Variants in EBF1 observed in about 807,000 individuals in gnomAD.
EBF1 encodes EBF transcription factor 1, also known as transcription factor COE1.
Under a neutral mutation model 68.4 loss-of-function variants are expected in EBF1, and 10 were observed. The ratio of observed to expected loss-of-function variants is 0.15; its 90% CI spans 0.09 to 0.25. The LOEUF is 0.25. Among genes scored for constraint, EBF1 ranks in the 10% least tolerant of loss-of-function variants. The pLI is 1.00. For synonymous variants in EBF1, 298 were observed against 299.8 expected, an observed-to-expected ratio of 0.99 and a Z score of 0.06; for missense variants, 509 against 794.4, an observed-to-expected ratio of 0.64 and a Z score of 4.32.
chr5:159,032,160 A>T (rs999495916), intron 6 of EBF1, among the ~76,000 whole-genome samples: 3 of 152,190 alleles, frequency 2.0e-5, no homozygotes, highest in Non-Finnish European at 4.4e-5. Context: ...TAACAATAGA[A>T]CAACTACCAC....
intron 6 of EBF1, among the ~76,000 whole-genome samples, chr5:159,003,389 T>C (rs936117558): frequency 3.9e-4 from 60 of 152,270 alleles, no homozygotes; most frequent in African/African-American, 1.4e-3. Flanking sequence ...TCTGAAGATG[T>C]GCTAAATTTC....
At chr5:158,733,806 G>T (rs1004556263) in intron 10 of EBF1, among the ~76,000 whole-genome samples, 2 of 152,142 alleles carry the variant, frequency 1.3e-5, no homozygotes, top group African/African-American at 4.8e-5. Flanking sequence ...TGCAGACAAA[G>T]CTAACATTAA....
chr5:159,094,258 C>T (rs1188667074), intron 4 of EBF1, among the ~76,000 whole-genome samples: 1 of 125,264 alleles, frequency 8.0e-6, no homozygotes, highest in African/African-American at 3.0e-5. Context: ...GAAAATAAAA[C>T]CAAGACCAAA....
At chr5:158,925,033 C>T (rs1287915820) in intron 6 of EBF1, among the ~76,000 whole-genome samples, 1 of 152,082 alleles carries the variant, frequency 6.6e-6, no homozygotes, top group East Asian at 1.9e-4. Context: ...AGCTTTCTTT[C>T]TGTTCCTCAA....
At chr5:159,081,956 G>C (rs900170533) in intron 5 of EBF1, among the ~76,000 whole-genome samples, 2 of 152,114 alleles carry the variant, frequency 1.3e-5, no homozygotes, top group Non-Finnish European at 2.9e-5. Flanking sequence ...CACAGAAAGA[G>C]CTCCATGTCC....
At chr5:158,709,573 T>C (rs932510064) in intron 14 of EBF1, among the ~76,000 whole-genome samples, 2 of 152,202 alleles carry the variant, frequency 1.3e-5, no homozygotes, top group African/African-American at 4.8e-5. Context: ...GGGAATCCAA[T>C]TGGTCATAGG....
intron 11 of EBF1, among the ~76,000 whole-genome samples, chr5:158,717,409 T>G (rs894855992): frequency 6.6e-6 from 1 of 152,194 alleles, no homozygotes; most frequent in Non-Finnish European, 1.5e-5. Context: ...TTTGTGGCAT[T>G]AGGCAGGAGC....
At chr5:158,995,462 G>A (rs1039667276) in intron 6 of EBF1, among the ~76,000 whole-genome samples, 4 of 152,102 alleles carry the variant, frequency 2.6e-5, no homozygotes, top group African/African-American at 7.2e-5. Context: ...GTCAGGATTC[G>A]GTGACTATAT....
At chr5:158,926,065 T>A (rs1416595690) in intron 6 of EBF1, among the ~76,000 whole-genome samples, 1 of 152,206 alleles carries the variant, frequency 6.6e-6, no homozygotes, top group Admixed American at 6.5e-5. Context: ...AAATAGTGCC[T>A]GCTTAATACA....
intron 6 of EBF1, among the ~76,000 whole-genome samples, chr5:158,982,111 C>T (rs13170234): frequency 0.15 from 22,257 of 152,010 alleles, 1,750 homozygotes; most frequent in African/African-American, 0.19. Flanking sequence ...GTTACAATGG[C>T]CTAGACCAAA....
At chr5:159,067,938 T>C (rs1343046122) in intron 6 of EBF1, among the ~76,000 whole-genome samples, 1 of 152,188 alleles carries the variant, frequency 6.6e-6, no homozygotes, top group African/African-American at 2.4e-5. Context: ...CCTCCTTTTA[T>C]TTTAACCAAG....
chr5:159,000,036 T>C (rs907639061), intron 6 of EBF1, among the ~76,000 whole-genome samples: 1 of 152,318 alleles, frequency 6.6e-6, no homozygotes, highest in Non-Finnish European at 1.5e-5. Context: ...TTCCTTATAA[T>C]ACTACTGACC....
chr5:158,856,668 G>A (rs79773587), intron 6 of EBF1, among the ~76,000 whole-genome samples: 6,269 of 152,198 alleles, frequency 0.041, 208 homozygotes, highest in Middle Eastern at 0.068. Flanking sequence ...GCAACCCTAC[G>A]CTCCCCCATC....
chr5:159,097,875 C>A (rs1782931525), intron 1 of EBF1, among the ~76,000 whole-genome samples: 1 of 152,236 alleles, frequency 6.6e-6, no homozygotes, highest in South Asian at 2.1e-4. Flanking sequence ...GGCTGGAGCG[C>A]CTGGGGCGCC....
chr5:159,091,839 A>T (rs1781708455), intron 4 of EBF1, among the ~76,000 whole-genome samples: 2 of 152,310 alleles, frequency 1.3e-5, no homozygotes, highest in South Asian at 4.1e-4. Context: ...CGGTCTCCTC[A>T]CTACATCATC....
At chr5:159,031,363 T>G (rs538223090) in intron 6 of EBF1, among the ~76,000 whole-genome samples, 2 of 152,310 alleles carry the variant, frequency 1.3e-5, no homozygotes, top group African/African-American at 4.8e-5. Flanking sequence ...TAATCTGTCC[T>G]GAAAAAATCT....
chr5:158,809,904 T>C (rs1782324233), intron 8 of EBF1, among the ~76,000 whole-genome samples: 1 of 152,180 alleles, frequency 6.6e-6, no homozygotes, highest in African/African-American at 2.4e-5. Context: ...ATGAAAATAA[T>C]AACAATTTAC....
At chr5:158,959,310 G>A (rs1222640107) in intron 6 of EBF1, among the ~76,000 whole-genome samples, 2 of 90,194 alleles carry the variant, frequency 2.2e-5, no homozygotes, top group East Asian at 6.3e-4. Context: ...TTTTTTTTTT[G>A]AGACGGAGTC....
chr5:158,775,366 A>T (rs527240758), intron 10 of EBF1, among the ~76,000 whole-genome samples: 1 of 152,106 alleles, frequency 6.6e-6, no homozygotes, highest in African/African-American at 2.4e-5. Flanking sequence ...ATTAAAAATA[A>T]TTTCTTCTAA....
Sources: gnomAD v4.1 joint callset for allele counts (sites outside exome capture counted in the v4.1 genomes callset) on GRCh38, gnomAD v4.1.1 for gene constraint, MANE v1.5 for transcripts, NCBI Gene and HGNC (gene_info 2026-07-23, HGNC 2026-07-21) for gene names.